ADCY8: variants seen among roughly 807,000 people sequenced by gnomAD.
ADCY8 encodes adenylate cyclase type 8.
A neutral mutation model predicts 119.7 loss-of-function variants in ADCY8; 51 were observed. The ratio of observed to expected loss-of-function variants is 0.43; its 90% CI spans 0.34 to 0.54. ADCY8 has a LOEUF of 0.54. ADCY8 is among the 20% of genes least tolerant of loss of function. The probability of loss-of-function intolerance (pLI) is 0.03; values close to 1 mark genes in which losing one functional copy is unlikely to be tolerated. For missense variants in ADCY8, 1,383 were observed against 1,598.8 expected, an observed-to-expected ratio of 0.87 and a Z score of 2.30; for synonymous variants, 665 against 651.0, an observed-to-expected ratio of 1.02 and a Z score of -0.33.
At chr8:131,008,060 CA>C (rs1387308673) in intron 1 of ADCY8, among the ~76,000 whole-genome samples, 1 of 152,110 alleles carries the variant, frequency 6.6e-6, no homozygotes, top group Non-Finnish European at 1.5e-5. Flanking sequence ...ATGGTTTTGA[CA>C]ATGAAAGGGC....
At chr8:130,963,048 T>A (rs930563165) in intron 2 of ADCY8, among the ~76,000 whole-genome samples, 1 of 151,948 alleles carries the variant, frequency 6.6e-6, no homozygotes, top group Non-Finnish European at 1.5e-5. Context: ...TTTAAGTAAA[T>A]CAGGCAACTC....
At chr8:131,000,173 C>G (rs1822898374) in intron 1 of ADCY8, among the ~76,000 whole-genome samples, 1 of 152,108 alleles carries the variant, frequency 6.6e-6, no homozygotes, top group South Asian at 2.1e-4. Context: ...TTAAACAGCT[C>G]CACAGTGGTA....
At chr8:130,790,237 C>G (rs1280194312) in intron 15 of ADCY8, among the ~76,000 whole-genome samples, 1 of 152,104 alleles carries the variant, frequency 6.6e-6, no homozygotes, top group Non-Finnish European at 1.5e-5. Flanking sequence ...ACTGAATAAG[C>G]CATGGCACAT....
intron 12 of ADCY8, among the ~76,000 whole-genome samples, chr8:130,829,051 G>A (rs1816749150): frequency 6.6e-6 from 1 of 152,202 alleles, no homozygotes; most frequent in Non-Finnish European, 1.5e-5. Context: ...GAAGTCACAG[G>A]CAGAGCACTA....
chr8:130,992,710 C>G, intron 1 of ADCY8, among the ~76,000 whole-genome samples: 1 of 151,592 alleles, frequency 6.6e-6, no homozygotes, highest in Middle Eastern at 3.2e-3. Flanking sequence ...CCACCACGGA[C>G]AGCCAAAAAA....
At chr8:131,034,549 T>C (rs1373126775) in intron 1 of ADCY8, among the ~76,000 whole-genome samples, 1 of 152,144 alleles carries the variant, frequency 6.6e-6, no homozygotes, top group Admixed American at 6.5e-5. Context: ...TTCTTTAGCA[T>C]TTTTCTGGCT....
At chr8:130,794,209 G>A (rs531782551) in intron 15 of ADCY8, among the ~76,000 whole-genome samples, 6 of 152,240 alleles carry the variant, frequency 3.9e-5, no homozygotes, top group East Asian at 1.9e-4. Context: ...TCTTGCTTCC[G>A]GAATTGTGAA....
intron 2 of ADCY8, among the ~76,000 whole-genome samples, chr8:130,967,003 G>A (rs1256708932): frequency 6.6e-6 from 1 of 152,152 alleles, no homozygotes; most frequent in Non-Finnish European, 1.5e-5. Flanking sequence ...TAGGGGAAAT[G>A]AATAGACCTC....
At chr8:131,005,982 C>T (rs1823103971) in intron 1 of ADCY8, among the ~76,000 whole-genome samples, 1 of 152,060 alleles carries the variant, frequency 6.6e-6, no homozygotes, top group South Asian at 2.1e-4. Flanking sequence ...ATTTGGTTCC[C>T]TTTTCCTTAA....
chr8:130,853,028 C>T (rs1055466663), intron 9 of ADCY8, among the ~76,000 whole-genome samples: 2 of 152,352 alleles, frequency 1.3e-5, no homozygotes, highest in African/African-American at 2.4e-5. Flanking sequence ...CATGCCCAGA[C>T]TATCTCCCTG....
intron 2 of ADCY8, among the ~76,000 whole-genome samples, chr8:130,989,324 G>A (rs143854980): frequency 1.3e-5 from 2 of 152,086 alleles, no homozygotes; most frequent in Admixed American, 6.6e-5. Context: ...AGAGTCACAC[G>A]GACCTGGCTT....
intron 1 of ADCY8, among the ~76,000 whole-genome samples, chr8:131,024,572 G>A (rs1823768340): frequency 6.6e-6 from 1 of 152,194 alleles, no homozygotes; most frequent in African/African-American, 2.4e-5. Context: ...CAAAATGGCT[G>A]TTGATTACAG....
At position 130,903,894 on chromosome 8, in the gene ADCY8, A is replaced by G; in HGVS notation, c.1789T>C (p.Leu597=). The G allele has an allele frequency of 1.2e-6, 2 of 1,614,120 alleles. No individual in the cohort carries two copies. The highest frequency in any genetic ancestry group is 1.7e-4 in the Middle Eastern group (1 of 6,058). ...IKQPEDSLLS[L]PEDIVKESVS... ...GACTCCTTGACGATATCTTCAGGCAAGGACAGCAGACTGTCCTCAGGCTGC... is the reference window on the plus strand; with the variant it reads ...GACTCCTTGACGATATCTTCAGGCAGGGACAGCAGACTGTCCTCAGGCTGC... The change falls in exon 7 of 18, where the codon TTG becomes CTG. Residue 597 remains leucine (L), a synonymous_variant. Transcript: ENST00000286355.
chr8:130,937,263 G>T, intron 4 of ADCY8, 63 bp from the exon 5 acceptor site: 2 of 1,544,392 alleles, frequency 1.3e-6, no homozygotes, highest in Admixed American at 1.9e-5. Context: ...CTTCAGAAAG[G>T]CTTGAGAAAG....
At chr8:130,905,821 C>G (rs1298994525) in intron 6 of ADCY8, among the ~76,000 whole-genome samples, 1 of 152,190 alleles carries the variant, frequency 6.6e-6, no homozygotes, top group Non-Finnish European at 1.5e-5. Context: ...GATCATGCCA[C>G]TGCACTTCAT....
intron 7 of ADCY8, among the ~76,000 whole-genome samples, chr8:130,887,224 G>T (rs1586534649): frequency 6.6e-6 from 1 of 152,242 alleles, no homozygotes; most frequent in Non-Finnish European, 1.5e-5. Context: ...GAAGGATTCT[G>T]CTGCCATTGG....
intron 5 of ADCY8, among the ~76,000 whole-genome samples, chr8:130,915,350 A>T (rs1820095626): frequency 6.6e-6 from 1 of 152,218 alleles, no homozygotes; most frequent in African/African-American, 2.4e-5. Context: ...GAGTTGCTAG[A>T]GGAATGACAG....
At chr8:130,798,547 A>C (rs1278708134) in intron 15 of ADCY8, among the ~76,000 whole-genome samples, 2 of 152,180 alleles carry the variant, frequency 1.3e-5, no homozygotes, top group East Asian at 3.9e-4. Context: ...AGGCAGGGAC[A>C]GTGAGTGCAA....
At chr8:130,882,524 G>A (rs1818815376) in intron 8 of ADCY8, among the ~76,000 whole-genome samples, 1 of 152,054 alleles carries the variant, frequency 6.6e-6, no homozygotes, top group Admixed American at 6.6e-5. Flanking sequence ...ATCAAGTCCT[G>A]GGGACTCCTG....
Sources: allele counts gnomAD v4.1 joint callset (sites outside exome capture counted in the v4.1 genomes callset), GRCh38; gene constraint gnomAD v4.1.1; transcripts MANE v1.5; gene names NCBI Gene and HGNC (gene_info 2026-07-23, HGNC 2026-07-21).